SCFD2: variants seen among roughly 807,000 people sequenced by gnomAD.
The protein encoded by SCFD2 is sec1 family domain-containing protein 2.
In SCFD2, 54 loss-of-function variants were observed where a neutral mutation model predicts 58.9. The ratio of observed to expected loss-of-function variants is 0.92; its 90% CI spans 0.74 to 1.15. The LOEUF is 1.15. Among genes scored for constraint, SCFD2 ranks in the 50% most tolerant of loss-of-function variants. The probability of loss-of-function intolerance (pLI) is 0.00; values close to 1 mark genes in which losing one functional copy is unlikely to be tolerated. For missense variants in SCFD2, 805 were observed against 836.6 expected (o/e 0.96, Z 0.47); for synonymous variants, 321 against 335.9 (o/e 0.96, Z 0.49).
At chr4:53,070,638 A>G (rs1262307986) in intron 5 of SCFD2, among the ~76,000 whole-genome samples, 1 of 152,102 alleles carries the variant, frequency 6.6e-6, no homozygotes, top group Non-Finnish European at 1.5e-5. Flanking sequence ...TGCTGTGTAC[A>G]TAATAGCACC....
At chr4:53,072,790 G>A (rs1369279275) in intron 5 of SCFD2, among the ~76,000 whole-genome samples, 1 of 116,994 alleles carries the variant, frequency 8.5e-6, no homozygotes, top group African/African-American at 2.6e-5. Context: ...TGTAGCAAGA[G>A]AGCTCTTCTC....
chr4:53,250,720 G>A (rs1730332312), intron 4 of SCFD2, among the ~76,000 whole-genome samples: 2 of 152,210 alleles, frequency 1.3e-5, no homozygotes, highest in African/African-American at 4.8e-5. Context: ...CAACATATCA[G>A]AATCTCTGGG....
intron 8 of SCFD2, among the ~76,000 whole-genome samples, chr4:52,880,851 C>T (rs557053301): frequency 1.4e-3 from 219 of 152,332 alleles, no homozygotes; most frequent in Admixed American, 3.7e-3. Flanking sequence ...GCTAGCCTCT[C>T]GGCTACCATC....
chr4:53,215,359 G>T (rs1215360624), intron 4 of SCFD2, among the ~76,000 whole-genome samples: 2 of 152,166 alleles, frequency 1.3e-5, no homozygotes, highest in Admixed American at 1.3e-4. Flanking sequence ...TCCTTGAAGA[G>T]GTCCTTCACG....
intron 4 of SCFD2, among the ~76,000 whole-genome samples, chr4:53,230,814 T>C (rs746149720): frequency 6.6e-6 from 1 of 152,082 alleles, no homozygotes; most frequent in Non-Finnish European, 1.5e-5. Context: ...GAATCAGGTA[T>C]TGAAATCAGA....
At chr4:53,200,899 T>C (rs114106343) in intron 4 of SCFD2, among the ~76,000 whole-genome samples, 1 of 152,130 alleles carries the variant, frequency 6.6e-6, no homozygotes, top group Non-Finnish European at 1.5e-5. Flanking sequence ...CAGAAATGTA[T>C]AAATCCATTC....
chr4:53,131,684 G>C (rs951348740), intron 5 of SCFD2, among the ~76,000 whole-genome samples: 1 of 152,222 alleles, frequency 6.6e-6, no homozygotes, highest in African/African-American at 2.4e-5. Context: ...TAAGTGACTT[G>C]CAGGTTACAC....
intron 3 of SCFD2, among the ~76,000 whole-genome samples, chr4:53,283,287 A>G (rs892570397): frequency 4.6e-5 from 7 of 152,288 alleles, no homozygotes; most frequent in African/African-American, 1.7e-4. Flanking sequence ...CTTTTGTTCC[A>G]AAATCTCATT....
chr4:52,875,137 A>G (rs568663085), intron 8 of SCFD2, among the ~76,000 whole-genome samples: 1 of 152,320 alleles, frequency 6.6e-6, no homozygotes, highest in East Asian at 1.9e-4. Context: ...CAGCGCAGAC[A>G]GGCTGGCCCC....
At chr4:52,964,477 T>C (rs1261827435) in intron 5 of SCFD2, among the ~76,000 whole-genome samples, 2 of 152,218 alleles carry the variant, frequency 1.3e-5, no homozygotes, top group East Asian at 1.9e-4. Context: ...AAAACCAATG[T>C]CTTTTCCAAC....
intron 5 of SCFD2, among the ~76,000 whole-genome samples, chr4:52,974,911 A>C (rs1339439511): frequency 1.3e-5 from 2 of 152,164 alleles, no homozygotes; most frequent in Non-Finnish European, 2.9e-5. Context: ...CAAAAACAAG[A>C]AATGGGGAAA....
chr4:52,935,410 C>T (rs991699229), intron 5 of SCFD2, among the ~76,000 whole-genome samples: 1 of 152,210 alleles, frequency 6.6e-6, no homozygotes, highest in African/African-American at 2.4e-5. Context: ...CATGTTGGCT[C>T]CTGATCAACA....
chr4:52,967,552 G>T (rs770055882), intron 5 of SCFD2, among the ~76,000 whole-genome samples: 4 of 152,214 alleles, frequency 2.6e-5, no homozygotes, highest in Admixed American at 6.5e-5. Flanking sequence ...CTGAGAATTG[G>T]AATCTAGGCA....
intron 5 of SCFD2, among the ~76,000 whole-genome samples, chr4:53,103,112 T>C (rs1724877194): frequency 6.6e-6 from 1 of 152,126 alleles, no homozygotes; most frequent in East Asian, 1.9e-4. Context: ...AGGATGTTTG[T>C]ATGGTCTCAA....
At chr4:53,307,360 C>A (rs1370979164) in intron 3 of SCFD2, among the ~76,000 whole-genome samples, 8 of 152,170 alleles carry the variant, frequency 5.3e-5, no homozygotes, top group Non-Finnish European at 1.0e-4. Context: ...TAAGCGGGGG[C>A]ATGGCATAAT....
chr4:53,025,502 G>A (rs575045904), intron 5 of SCFD2, among the ~76,000 whole-genome samples: 1 of 151,610 alleles, frequency 6.6e-6, no homozygotes, highest in South Asian at 2.1e-4. Context: ...TAGGCAGATA[G>A]TTATTTCTCA....
chr4:53,298,404 G>A (rs1054954741), intron 3 of SCFD2, among the ~76,000 whole-genome samples: 18 of 152,290 alleles, frequency 1.2e-4, no homozygotes, highest in Non-Finnish European at 2.2e-4. Flanking sequence ...GGGGAGGGGC[G>A]CCCACCATAG....
chr4:53,281,532 G>C (rs966880170), intron 3 of SCFD2, among the ~76,000 whole-genome samples: 1 of 152,160 alleles, frequency 6.6e-6, no homozygotes, highest in African/African-American at 2.4e-5. Flanking sequence ...ACAGAATCTT[G>C]AGTATGCCAG....
intron 4 of SCFD2, among the ~76,000 whole-genome samples, chr4:53,261,573 T>C (rs946449257): frequency 6.6e-6 from 1 of 152,210 alleles, no homozygotes; most frequent in Non-Finnish European, 1.5e-5. Context: ...TATTCCACTG[T>C]GGTCTGAGAG....
Sources: gnomAD v4.1 joint callset for allele counts (sites outside exome capture counted in the v4.1 genomes callset) on GRCh38, gnomAD v4.1.1 for gene constraint, MANE v1.5 for transcripts, NCBI Gene and HGNC (gene_info 2026-07-23, HGNC 2026-07-21) for gene names.